ASIC2: variants seen among roughly 807,000 people sequenced by gnomAD.
ASIC2 encodes acid sensing ion channel subunit 2.
In ASIC2, 25 loss-of-function variants were observed where a neutral mutation model predicts 57.3. The observed-to-expected ratio is 0.44, with a 90% CI of 0.32 to 0.61. The LOEUF (loss-of-function observed/expected upper bound fraction) is 0.61. Ranked by LOEUF, ASIC2 falls within the 20% of genes least tolerant of loss-of-function variation. ASIC2 has a pLI of 0.06. For synonymous variants in ASIC2, 319 were observed against 307.5 expected, an observed-to-expected ratio of 1.04 and a Z score of -0.39; for missense variants, 641 against 738.1, an observed-to-expected ratio of 0.87 and a Z score of 1.52.
rs144383947 is a variant in ASIC2 at position 33,771,817 on chromosome 17, G to A, written c.555+384161C>T. Among the ~76,000 whole-genome samples the A allele has an allele frequency of 2.4e-4, 36 of 152,310 alleles. No homozygotes were observed. The South Asian group carries it at 3.9e-3, about 17-fold the overall frequency. On this transcript the variant is annotated intron_variant, in intron 1 of 9. Coordinates refer to the ASIC2 transcript ENST00000359872. ...AGATCAAATATGTAGGGATCAAATCGTGGTAATTAGATTTCCATCACTTCA... is the reference window on the plus strand; with the variant it reads ...AGATCAAATATGTAGGGATCAAATCATGGTAATTAGATTTCCATCACTTCA...
chr17:33,334,190 C>A (rs1172551269), intron 1 of ASIC2, among the ~76,000 whole-genome samples: 5 of 152,164 alleles, frequency 3.3e-5, no homozygotes, highest in South Asian at 4.1e-4. Context: ...AAAAGGGGGC[C>A]TCCAATCTCT....
intron 1 of ASIC2, among the ~76,000 whole-genome samples, chr17:33,819,514 G>T (rs899600149): frequency 6.6e-5 from 10 of 152,214 alleles, no homozygotes; most frequent in African/African-American, 2.4e-4. Flanking sequence ...ATCTGGATGT[G>T]GTCAAGGCCT....
intron 1 of ASIC2, among the ~76,000 whole-genome samples, chr17:33,518,514 C>T (rs562937209): frequency 6.6e-6 from 1 of 152,276 alleles, no homozygotes; most frequent in East Asian, 1.9e-4. Context: ...TCCTTTCCTG[C>T]TTCCATTTGC....
chr17:34,116,492 G>T (rs1335894839), intron 1 of ASIC2, among the ~76,000 whole-genome samples: 2 of 152,154 alleles, frequency 1.3e-5, no homozygotes, highest in African/African-American at 4.8e-5. Flanking sequence ...CAGTGAGGTG[G>T]TGTAATTCCT....
chr17:33,451,684 A>G (rs776732159), intron 1 of ASIC2, among the ~76,000 whole-genome samples: 2 of 152,188 alleles, frequency 1.3e-5, no homozygotes, highest in African/African-American at 4.8e-5. Context: ...ATAACTAGTT[A>G]TAAGTTTGAA....
intron 1 of ASIC2, among the ~76,000 whole-genome samples, chr17:33,201,422 C>T (rs1468343837): frequency 6.6e-6 from 1 of 152,202 alleles, no homozygotes; most frequent in African/African-American, 2.4e-5. Context: ...AGATTGAAGA[C>T]TAGCTGAAAC....
At chr17:33,584,067 C>T (rs960971665) in intron 1 of ASIC2, among the ~76,000 whole-genome samples, 10 of 152,062 alleles carry the variant, frequency 6.6e-5, no homozygotes, top group South Asian at 6.2e-4. Flanking sequence ...TTCGGAAATC[C>T]GTTTTCATAA....
intron 1 of ASIC2, among the ~76,000 whole-genome samples, chr17:33,184,366 A>G (rs540591314): frequency 6.6e-6 from 1 of 152,286 alleles, no homozygotes; most frequent in South Asian, 2.1e-4. Context: ...GCTGAAATGG[A>G]CAAAGTCATG....
chr17:33,390,532 TTA>T (rs1198892197), intron 1 of ASIC2, among the ~76,000 whole-genome samples: 10 of 152,296 alleles, frequency 6.6e-5, no homozygotes, highest in African/African-American at 2.4e-4. Context: ...CAGAAATGGC[TTA>T]GTTTGGTGCC....
chr17:33,558,435 A>T (rs534593354), intron 1 of ASIC2, among the ~76,000 whole-genome samples: 32 of 152,296 alleles, frequency 2.1e-4, no homozygotes, highest in African/African-American at 6.7e-4. Context: ...ATTTGGTTTT[A>T]TGCTTTGTTG....
chr17:33,594,745 G>C (rs1044705844), intron 1 of ASIC2, among the ~76,000 whole-genome samples: 2 of 151,690 alleles, frequency 1.3e-5, no homozygotes, highest in African/African-American at 4.8e-5. Context: ...GGAGAATGAC[G>C]TGAACCCGGG....
chr17:33,369,320 G>C (rs1908951258), intron 1 of ASIC2, among the ~76,000 whole-genome samples: 1 of 152,196 alleles, frequency 6.6e-6, no homozygotes, highest in South Asian at 2.1e-4. Context: ...GCTGCCTTGA[G>C]AAGGTGATTT....
chr17:33,889,928 G>A (rs867857437), intron 1 of ASIC2, among the ~76,000 whole-genome samples: 13 of 152,152 alleles, frequency 8.5e-5, no homozygotes, highest in Middle Eastern at 3.2e-3. Flanking sequence ...ATGAAGAAGC[G>A]TTATGTTCCA....
At chr17:34,033,916 G>A (rs946059261) in intron 1 of ASIC2, among the ~76,000 whole-genome samples, 8 of 152,230 alleles carry the variant, frequency 5.3e-5, no homozygotes, top group East Asian at 3.9e-4. Context: ...ATTCACAGCC[G>A]AATTCTACCA....
At chr17:34,081,004 T>C (rs1448364400) in intron 1 of ASIC2, 1 of 152,206 alleles carries the variant, frequency 6.6e-6, no homozygotes, top group African/African-American at 2.4e-5. Flanking sequence ...AGACAAGGAA[T>C]AAAGTACCTA....
intron 1 of ASIC2, among the ~76,000 whole-genome samples, chr17:33,241,094 T>C (rs1296957420): frequency 6.6e-6 from 1 of 152,214 alleles, no homozygotes; most frequent in Non-Finnish European, 1.5e-5. Context: ...AAAGCAGCGT[T>C]CATGGTCACA....
chr17:33,704,452 C>T (rs1025308573), intron 1 of ASIC2, among the ~76,000 whole-genome samples: 1 of 152,238 alleles, frequency 6.6e-6, no homozygotes, highest in Admixed American at 6.5e-5. Context: ...TTTGCTGTCT[C>T]ATCCTTGCCA....
intron 1 of ASIC2, among the ~76,000 whole-genome samples, chr17:33,889,414 G>A (rs1268939958): frequency 6.6e-6 from 1 of 152,154 alleles, no homozygotes; most frequent in Non-Finnish European, 1.5e-5. Context: ...TTGATAAGGA[G>A]TACCTGCAAT....
chr17:34,019,436 G>T (rs150066103), intron 1 of ASIC2, among the ~76,000 whole-genome samples: 289 of 152,210 alleles, frequency 1.9e-3, no homozygotes, highest in African/African-American at 6.7e-3. Flanking sequence ...GCAAACTTCA[G>T]TGTTGTCTTA....
Sources: gnomAD v4.1 joint callset for allele counts (sites outside exome capture counted in the v4.1 genomes callset) on GRCh38, gnomAD v4.1.1 for gene constraint, MANE v1.5 for transcripts, NCBI Gene and HGNC (gene_info 2026-07-23, HGNC 2026-07-21) for gene names.